Variants in ST3GAL3 observed in about 807,000 individuals in gnomAD.
ST3GAL3 encodes the protein CMP-N-acetylneuraminate-beta-1,4-galactoside alpha-2,3-sialyltransferase.
In ST3GAL3, 21 loss-of-function variants were observed where a neutral mutation model predicts 50.1. That is an observed-to-expected ratio of 0.42 (90% confidence interval 0.30 to 0.60). ST3GAL3 has a LOEUF of 0.60. Among genes scored for constraint, ST3GAL3 ranks in the 20% least tolerant of loss-of-function variants. ST3GAL3 has a pLI of 0.19. For synonymous variants in ST3GAL3, 183 were observed against 190.0 expected (o/e 0.96, Z 0.30); for missense variants, 353 against 489.4 (o/e 0.72, Z 2.63).
At chr1:43,727,249 C>T (rs1425122317) in intron 1 of ST3GAL3, 1 of 152,008 alleles carries the variant, frequency 6.6e-6, no homozygotes, top group African/African-American at 2.4e-5. Flanking sequence ...CCTTCTCTGC[C>T]CCAGCCTTGG....
Position 43,899,170 on chromosome 1 carries a change from TCCGCTGCCG to T in ST3GAL3, c.472_480del (p.Arg158_Cys160del). The T allele has an allele frequency of 6.2e-7, 1 of 1,614,068 alleles. No homozygotes were observed. Among genetic ancestry groups the T allele is most frequent in the South Asian group, 1.1e-5 (1 of 91,068 alleles). ...GGTCTCCGCCTCTCTCCCCTCAGCCTCCGCTGCCGCCGCTGCATCATCGTGGGCAATGGA... is the reference window on the plus strand; with the variant it reads ...GGTCTCCGCCTCTCTCCCCTCAGCCTCCGCTGCATCATCGTGGGCAATGGA... On this transcript the variant is annotated inframe_deletion, in exon 8 of 12. Transcript: ENST00000347631. The surrounding 1 kb of genome is among the most constrained non-coding windows in gnomAD (Gnocchi z 5.4).
intron 2 of ST3GAL3, among the ~76,000 whole-genome samples, chr1:43,741,682 A>G (rs1156770064): frequency 6.6e-6 from 1 of 152,174 alleles, no homozygotes; most frequent in East Asian, 1.9e-4. Flanking sequence ...ATGGTAAGGA[A>G]GTAAGTGGTA....
At chr1:43,854,933 C>T (rs1171122468) in intron 5 of ST3GAL3, among the ~76,000 whole-genome samples, 1 of 152,182 alleles carries the variant, frequency 6.6e-6, no homozygotes, top group Non-Finnish European at 1.5e-5. Flanking sequence ...TCCAACCTCT[C>T]CCACCTCTGC....
At chr1:43,898,471 C>T in intron 7 of ST3GAL3, 173 bp downstream of exon 7, 2 of 699,740 alleles carry the variant, frequency 2.9e-6, no homozygotes, top group Non-Finnish European at 5.1e-6. Context: ...CTCCACCTGA[C>T]TTGCACCCCC....
At position 43,920,887 on chromosome 1, in the gene ST3GAL3, C is replaced by T. The variant is rs2082913376; in HGVS notation, c.997C>T (p.Leu333=). Residue 333 remains leucine (L), a synonymous_variant, in exon 11 of 12, where the codon CTG becomes TTG. Transcript: ENST00000347631. ...TGACATGAGCACACCCAACGCACCCCTGCACTACTATGAGACCGTTCGCAT... is the reference window on the plus strand; with the variant it reads ...TGACATGAGCACACCCAACGCACCCTTGCACTACTATGAGACCGTTCGCAT... ...GYDMSTPNAP[L]HYYETVRMAA... is the part of the protein sequence containing the mutation. 1.9e-6 allele frequency: 3 copies of T among 1,613,958 alleles called. No homozygotes were observed. The highest frequency in any genetic ancestry group is 2.5e-6 in the Non-Finnish European group (3 of 1,180,010).
intron 5 of ST3GAL3, among the ~76,000 whole-genome samples, chr1:43,893,516 C>T (rs1325020959): frequency 1.3e-5 from 2 of 149,964 alleles, no homozygotes; most frequent in Non-Finnish European, 3.0e-5. Context: ...CCTGCTGCAC[C>T]TTCTCCCTCT....
At chr1:43,792,852 CT>C (rs2058250244) in intron 3 of ST3GAL3, among the ~76,000 whole-genome samples, 2 of 152,206 alleles carry the variant, frequency 1.3e-5, no homozygotes, top group Admixed American at 1.3e-4. Flanking sequence ...GATTCCTCAG[CT>C]TGCTGCCATT....
At chr1:43,767,418 CA>C (rs1442568234) in intron 2 of ST3GAL3, among the ~76,000 whole-genome samples, 3 of 151,950 alleles carry the variant, frequency 2.0e-5, no homozygotes, top group Non-Finnish European at 4.4e-5. Context: ...TCACAGTGAA[CA>C]GGGAACAGTT....
At chr1:43,884,333 G>A (rs1291457579) in intron 5 of ST3GAL3, among the ~76,000 whole-genome samples, 1 of 152,114 alleles carries the variant, frequency 6.6e-6, no homozygotes, top group Non-Finnish European at 1.5e-5. Context: ...TTTCTCCTTC[G>A]ACTCCTGCTC....
chr1:43,804,807 C>T (rs1253073268), intron 3 of ST3GAL3, among the ~76,000 whole-genome samples: 3 of 152,146 alleles, frequency 2.0e-5, no homozygotes, highest in Non-Finnish European at 4.4e-5. Context: ...TCGAAGATGG[C>T]AGGCGAGGGA....
At chr1:43,756,997 C>T (rs373043713) in intron 2 of ST3GAL3, among the ~76,000 whole-genome samples, 4 of 152,072 alleles carry the variant, frequency 2.6e-5, no homozygotes, top group Admixed American at 6.6e-5. Context: ...CTCTGCCTCC[C>T]GGTTCAAGTG....
intron 2 of ST3GAL3, among the ~76,000 whole-genome samples, chr1:43,748,597 A>AT (rs1684830318): frequency 6.6e-6 from 1 of 151,958 alleles, no homozygotes; most frequent in Non-Finnish European, 1.5e-5. Flanking sequence ...TTAAAAAAAA[A>AT]ATTTTTATAA....
intron 5 of ST3GAL3, among the ~76,000 whole-genome samples, chr1:43,873,746 G>A (rs1051656078): frequency 2.6e-5 from 4 of 152,002 alleles, no homozygotes; most frequent in Admixed American, 6.6e-5. Context: ...AACCAAGATC[G>A]CACCACTGTA....
At chr1:43,734,605 C>T (rs1173988186) in intron 1 of ST3GAL3, among the ~76,000 whole-genome samples, 1 of 152,112 alleles carries the variant, frequency 6.6e-6, no homozygotes, top group Non-Finnish European at 1.5e-5. Flanking sequence ...CCACTGTGCC[C>T]AGCCCACCTA....
chr1:43,842,319 C>T (rs1411682723), intron 5 of ST3GAL3: 1 of 152,224 alleles, frequency 6.6e-6, no homozygotes, highest in East Asian at 1.9e-4. Flanking sequence ...TACCCTACTC[C>T]TGGTACCAAT....
At chr1:43,747,826 T>C (rs563689185) in intron 2 of ST3GAL3, among the ~76,000 whole-genome samples, 36 of 151,874 alleles carry the variant, frequency 2.4e-4, no homozygotes, top group Non-Finnish European at 4.4e-4. Context: ...GGTGATCCGC[T>C]TGCCTTGGCC....
At chr1:43,896,057 G>A (rs905177796) in intron 6 of ST3GAL3, among the ~76,000 whole-genome samples, 2 of 152,194 alleles carry the variant, frequency 1.3e-5, no homozygotes, top group Admixed American at 1.3e-4. Context: ...AAAGCCCACC[G>A]TAAGGTATAT....
intron 2 of ST3GAL3, among the ~76,000 whole-genome samples, chr1:43,791,134 G>C (rs1383570614): frequency 1.3e-5 from 2 of 152,164 alleles, no homozygotes; most frequent in Non-Finnish European, 2.9e-5. Flanking sequence ...CTTCAGCTAT[G>C]AGTTCAAGCG....
intron 5 of ST3GAL3, among the ~76,000 whole-genome samples, chr1:43,863,328 C>T (rs1270681788): frequency 6.6e-6 from 1 of 152,170 alleles, no homozygotes; most frequent in Non-Finnish European, 1.5e-5. Context: ...CCACTCCAGG[C>T]TGAAGGCAGT....
Sources: gnomAD v4.1 joint callset for allele counts (sites outside exome capture counted in the v4.1 genomes callset) on GRCh38, gnomAD v4.1.1 for gene constraint, Gnocchi (gnomAD v3.1) non-coding constraint, MANE v1.5 for transcripts, NCBI Gene and HGNC (gene_info 2026-07-23, HGNC 2026-07-21) for gene names.